The following CPVL variants were observed in gnomAD, a reference collection of about 807,000 sequenced individuals.
The protein encoded by CPVL is carboxypeptidase vitellogenic like, also known as probable serine carboxypeptidase CPVL.
Under a neutral mutation model 63.7 loss-of-function variants are expected in CPVL, and 51 were observed. That is an observed-to-expected ratio of 0.80 (90% CI 0.64 to 1.01). The LOEUF is 1.01. Among genes scored for constraint, CPVL ranks in the 50% least tolerant of loss-of-function variants. CPVL has a pLI of 0.00. For missense variants in CPVL, 530 were observed against 573.1 expected, an observed-to-expected ratio of 0.92 and a Z score of 0.77; for synonymous variants, 195 against 206.0, an observed-to-expected ratio of 0.95 and a Z score of 0.46.
intron 12 of CPVL, among the ~76,000 whole-genome samples, chr7:29,017,797 A>G (rs1786561332): frequency 1.3e-5 from 2 of 152,266 alleles, no homozygotes; most frequent in Non-Finnish European, 2.9e-5. Flanking sequence ...TTTTAACTGT[A>G]CCAGCATACT....
chr7:29,041,467 C>T (rs974157680), intron 11 of CPVL, among the ~76,000 whole-genome samples: 3 of 152,176 alleles, frequency 2.0e-5, no homozygotes, highest in East Asian at 3.9e-4. Context: ...TGTACCCCTG[C>T]CTGTCAGAAG....
chr7:29,083,539 T>C (rs961496715), intron 7 of CPVL, among the ~76,000 whole-genome samples: 3 of 152,220 alleles, frequency 2.0e-5, no homozygotes, highest in South Asian at 2.1e-4. Context: ...GGAAGTTGAA[T>C]GGATAGGCTA....
At chr7:29,162,712 C>T (rs56997419) in intron 5 of CPVL, among the ~76,000 whole-genome samples, 19,290 of 150,900 alleles carry the variant, frequency 0.13, 1,414 homozygotes, top group African/African-American at 0.2. Context: ...AAGCCAGTCT[C>T]GAAGGATTAC....
At chr7:29,145,714 T>A (rs1792482468) in intron 1 of CPVL, 1 of 152,204 alleles carries the variant, frequency 6.6e-6, no homozygotes, top group Admixed American at 6.5e-5. Context: ...AAAAACTTAT[T>A]ATCTCCATCT....
chr7:29,101,326 C>T (rs901150287), intron 3 of CPVL, among the ~76,000 whole-genome samples: 3 of 152,128 alleles, frequency 2.0e-5, no homozygotes, highest in Admixed American at 2.0e-4. Context: ...TGTGGCTGGG[C>T]GCGGTGGCTC....
chr7:29,029,472 TA>T (rs1562730684), intron 12 of CPVL, among the ~76,000 whole-genome samples: 1 of 152,086 alleles, frequency 6.6e-6, no homozygotes, highest in African/African-American at 2.4e-5. Flanking sequence ...TACTAAGCCA[TA>T]AAAAAGAATG....
intron 1 of CPVL, chr7:29,122,771 T>C (rs1359424972): frequency 1.3e-5 from 2 of 152,212 alleles, no homozygotes; most frequent in Non-Finnish European, 2.9e-5. Flanking sequence ...ATGTTGACCA[T>C]TTTTATTATC....
At position 29,033,462 on chromosome 7, in the gene CPVL, T is replaced by C. The variant is rs146098783; in HGVS notation, c.1138-2703A>G. ...CTGACAAGGACAGGTTGGCCAAATA[T>C]GTCTACACACTCATCCCACTTCTCC... On this transcript the variant is annotated intron_variant, in intron 11 of 12. Coordinates refer to ENST00000265394, the MANE Select transcript of CPVL (RefSeq NM_031311.5). Among the ~76,000 whole-genome samples, 8 of 152,274 alleles carry C rather than the reference T, an allele frequency of 5.3e-5. No homozygotes were observed. The East Asian group carries it at 1.5e-3, about 29-fold the overall frequency.
At chr7:29,050,803 A>C (rs1489096164) in intron 11 of CPVL, among the ~76,000 whole-genome samples, 2 of 127,764 alleles carry the variant, frequency 1.6e-5, no homozygotes, top group Non-Finnish European at 3.5e-5. Context: ...GAGACTAAGC[A>C]AAAAAAAAAA....
intron 11 of CPVL, among the ~76,000 whole-genome samples, chr7:29,058,280 C>G (rs1344414913): frequency 6.6e-6 from 1 of 152,014 alleles, no homozygotes; most frequent in Non-Finnish European, 1.5e-5. Flanking sequence ...TTGAAGGGTG[C>G]TAATGTAAAT....
intron 7 of CPVL, among the ~76,000 whole-genome samples, chr7:29,075,974 A>C (rs1482476050): frequency 2.0e-4 from 1 of 5,084 alleles, no homozygotes; most frequent in Non-Finnish European, 9.0e-4. Context: ...TTTTTTGGCA[A>C]GATCAGACTC....
chr7:29,174,307 G>A (rs1584556844), intron 5 of CPVL, among the ~76,000 whole-genome samples: 1 of 152,140 alleles, frequency 6.6e-6, no homozygotes, highest in Non-Finnish European at 1.5e-5. Flanking sequence ...CCATATTTTG[G>A]TATGCAGGCA....
intron 12 of CPVL, among the ~76,000 whole-genome samples, chr7:29,026,500 A>G (rs1787504418): frequency 6.6e-6 from 1 of 152,116 alleles, no homozygotes; most frequent in African/African-American, 2.4e-5. Context: ...GAGCAGAACT[A>G]AATGGAATAG....
At chr7:29,014,534 T>TA (rs1276757725) in intron 12 of CPVL, among the ~76,000 whole-genome samples, 1 of 151,612 alleles carries the variant, frequency 6.6e-6, no homozygotes, top group Non-Finnish European at 1.5e-5. Flanking sequence ...GACAGAGTCT[T>TA]ACTATCTTGC....
At chr7:29,030,373 A>C (rs1438523643) in intron 12 of CPVL, among the ~76,000 whole-genome samples, 1 of 152,164 alleles carries the variant, frequency 6.6e-6, no homozygotes, top group African/African-American at 2.4e-5. Flanking sequence ...AACAATGCCT[A>C]AACTTTTGTC....
upstream of CPVL, among the ~76,000 whole-genome samples, chr7:29,151,419 G>A (rs1257644376): frequency 5.3e-5 from 8 of 152,064 alleles, no homozygotes; most frequent in South Asian, 4.1e-4. Context: ...GTTTCCCTTC[G>A]GCTATGGAAA....
chr7:29,005,819 T>G (rs2038224781), intron 12 of CPVL, among the ~76,000 whole-genome samples: 1 of 152,244 alleles, frequency 6.6e-6, no homozygotes, highest in Admixed American at 6.5e-5. Flanking sequence ...GTCCAGTTTT[T>G]ATACTTGATA....
chr7:29,142,000 T>C (rs1791943769), intron 1 of CPVL, among the ~76,000 whole-genome samples: 1 of 152,176 alleles, frequency 6.6e-6, no homozygotes, highest in Admixed American at 6.5e-5. Flanking sequence ...GTGGGTTACC[T>C]GGAAAAAGCG....
intron 5 of CPVL, among the ~76,000 whole-genome samples, chr7:29,093,686 G>A (rs1176086105): frequency 6.6e-6 from 1 of 152,194 alleles, no homozygotes; most frequent in East Asian, 1.9e-4. Flanking sequence ...ATTTGCATAA[G>A]GAATGCACTC....
Sources: allele counts gnomAD v4.1 joint callset (sites outside exome capture counted in the v4.1 genomes callset), GRCh38; gene constraint gnomAD v4.1.1; transcripts MANE v1.5; gene names NCBI Gene and HGNC (gene_info 2026-07-23, HGNC 2026-07-21).